HS2ST1: variants seen among roughly 807,000 people sequenced by gnomAD.
HS2ST1 encodes the protein 2-O-sulfotransferase.
A neutral mutation model predicts 42.9 loss-of-function variants in HS2ST1; 18 were observed. The ratio of observed to expected loss-of-function variants is 0.42; its 90% CI spans 0.29 to 0.62. HS2ST1 has a LOEUF of 0.62. HS2ST1 is among the 20% of genes least tolerant of loss of function. The pLI is 0.21. For synonymous variants in HS2ST1, 146 were observed against 152.9 expected, an observed-to-expected ratio of 0.95 and a Z score of 0.33; for missense variants, 334 against 433.8, an observed-to-expected ratio of 0.77 and a Z score of 2.04.
intron 1 of HS2ST1, among the ~76,000 whole-genome samples, chr1:87,013,735 C>T (rs1008089156): frequency 6.6e-6 from 1 of 152,154 alleles, no homozygotes; most frequent in African/African-American, 2.4e-5. Context: ...AGTTCTGATT[C>T]CAAACCATAT....
chr1:86,915,748 C>A (rs1237443557), intron 1 of HS2ST1, among the ~76,000 whole-genome samples: 1 of 152,120 alleles, frequency 6.6e-6, no homozygotes, highest in Non-Finnish European at 1.5e-5. Context: ...GGAGGCTGGC[C>A]GGGTAGTGCG....
At chr1:87,104,227 A>G (rs1652279520) in intron 6 of HS2ST1, among the ~76,000 whole-genome samples, 1 of 152,156 alleles carries the variant, frequency 6.6e-6, no homozygotes, top group Non-Finnish European at 1.5e-5. Context: ...CTGTGTGCCA[A>G]TCCTTACATT....
At chr1:86,956,141 A>G (rs536770937) in intron 1 of HS2ST1, among the ~76,000 whole-genome samples, 3 of 152,184 alleles carry the variant, frequency 2.0e-5, no homozygotes, top group Admixed American at 1.3e-4. Flanking sequence ...ATTTGTTAAG[A>G]ATTAGGCATG....
chr1:86,983,553 AGATTTGGGTGG>A (rs1461642420), intron 1 of HS2ST1, among the ~76,000 whole-genome samples: 1 of 152,144 alleles, frequency 6.6e-6, no homozygotes, highest in Non-Finnish European at 1.5e-5. Context: ...ATTTGAGATG[AGATTTGGGTGG>A]GGACACAAAG....
At chr1:86,933,340 T>C (rs1033241478) in intron 1 of HS2ST1, among the ~76,000 whole-genome samples, 1 of 152,222 alleles carries the variant, frequency 6.6e-6, no homozygotes, top group African/African-American at 2.4e-5. Flanking sequence ...AAATATTCTG[T>C]TACTTTTTAA....
At chr1:87,104,115 A>G (rs2100658538) in intron 6 of HS2ST1, among the ~76,000 whole-genome samples, 1 of 152,308 alleles carries the variant, frequency 6.6e-6, no homozygotes, top group East Asian at 1.9e-4. Context: ...ATTATGAGAA[A>G]ATAGAATACA....
intron 1 of HS2ST1, among the ~76,000 whole-genome samples, chr1:86,961,457 G>C (rs536890287): frequency 6.6e-6 from 1 of 152,220 alleles, no homozygotes; most frequent in Non-Finnish European, 1.5e-5. Context: ...CTCTGTGGAA[G>C]GGAGAATCAA....
chr1:87,006,385 T>C (rs145694104), intron 1 of HS2ST1, among the ~76,000 whole-genome samples: 38 of 152,266 alleles, frequency 2.5e-4, no homozygotes, highest in Middle Eastern at 3.4e-3. Context: ...CAAGATATCC[T>C]TAAATAAAGG....
intron 1 of HS2ST1, among the ~76,000 whole-genome samples, chr1:86,984,840 A>G (rs1352822518): frequency 4.0e-5 from 6 of 149,520 alleles, no homozygotes; most frequent in Non-Finnish European, 5.9e-5. Flanking sequence ...TGGGAGGCAG[A>G]GGTTGCAGTG....
intron 1 of HS2ST1, among the ~76,000 whole-genome samples, chr1:87,011,591 G>T (rs886227055): frequency 1.3e-5 from 2 of 152,032 alleles, no homozygotes; most frequent in Non-Finnish European, 2.9e-5. Context: ...TTATAAATGG[G>T]TTCACTTTTC....
chr1:86,938,770 G>A (rs1453344145), intron 1 of HS2ST1, among the ~76,000 whole-genome samples: 1 of 152,160 alleles, frequency 6.6e-6, no homozygotes, highest in African/African-American at 2.4e-5. Context: ...AAATAATAAT[G>A]TGGGTAACTG....
intron 1 of HS2ST1, among the ~76,000 whole-genome samples, chr1:87,040,827 C>T (rs553776905): frequency 8.5e-5 from 13 of 152,092 alleles, no homozygotes; most frequent in South Asian, 8.3e-4. Context: ...TGTGACACCT[C>T]AAAAAACTGT....
At chr1:86,966,896 C>CTTT (rs11373445) in intron 1 of HS2ST1, among the ~76,000 whole-genome samples, 2 of 147,324 alleles carry the variant, frequency 1.4e-5, no homozygotes, top group Admixed American at 6.7e-5. Context: ...GAGTGCATTC[C>CTTT]TTTTTTTTTT....
At chr1:87,100,993 C>T (rs1652182684) in intron 5 of HS2ST1, among the ~76,000 whole-genome samples, 1 of 152,052 alleles carries the variant, frequency 6.6e-6, no homozygotes, top group Non-Finnish European at 1.5e-5. Flanking sequence ...TGCTCTGCCT[C>T]CCTTTAAAAT....
intron 1 of HS2ST1, among the ~76,000 whole-genome samples, chr1:87,018,143 CACACACACACACACACACACAG>C (rs1484033700): frequency 1.8e-4 from 20 of 108,198 alleles, no homozygotes; most frequent in African/African-American, 8.3e-4. Context: ...CACACACACA[CACACACACACACACACACACAG>C]ACACACACAC....
intron 1 of HS2ST1, among the ~76,000 whole-genome samples, chr1:87,061,376 C>T (rs1651118895): frequency 6.6e-6 from 1 of 152,066 alleles, no homozygotes; most frequent in Non-Finnish European, 1.5e-5. Context: ...GAAACCCCAT[C>T]ACCGTTAATC....
chr1:87,045,588 T>A, intron 1 of HS2ST1: 2 of 787,708 alleles, frequency 2.5e-6, no homozygotes. Flanking sequence ...TGGATTTGCT[T>A]GTTTATTCAA....
At position 87,038,274 on chromosome 1, in the gene HS2ST1, AG is replaced by A. The variant is rs1650433225; in HGVS notation, c.125-34659del. 2.6e-5 allele frequency among the ~76,000 whole-genome samples: 4 copies of A among 152,250 alleles called. No homozygotes were observed. In the South Asian group the frequency reaches 8.3e-4, roughly 32 times the overall value. On this transcript the variant is annotated intron_variant, in intron 1 of 6. Coordinates refer to ENST00000370550, the MANE Select transcript of HS2ST1 (RefSeq NM_012262.4). ...AATGGATGGATGCACAGATGGGCAAAGTCTATCACTACCACTGAAATAATTA... is the reference window on the plus strand; with the variant it reads ...AATGGATGGATGCACAGATGGGCAAATCTATCACTACCACTGAAATAATTA...
chr1:87,067,547 G>T (rs1002985439), intron 1 of HS2ST1, among the ~76,000 whole-genome samples: 8 of 151,894 alleles, frequency 5.3e-5, no homozygotes, highest in African/African-American at 1.9e-4. Context: ...TAGTTTCTTT[G>T]GCTGTGCAGA....
Sources: allele counts gnomAD v4.1 joint callset (sites outside exome capture counted in the v4.1 genomes callset), GRCh38; gene constraint gnomAD v4.1.1; transcripts MANE v1.5; gene names NCBI Gene and HGNC (gene_info 2026-07-23, HGNC 2026-07-21).